Variants in TTLL9 observed in about 807,000 individuals in gnomAD.
TTLL9 encodes the protein tubulin tyrosine ligase like 9.
Under a neutral mutation model 65.6 loss-of-function variants are expected in TTLL9, and 47 were observed. That is an observed-to-expected ratio of 0.72 (90% CI 0.57 to 0.91). The LOEUF is 0.91. Among genes scored for constraint, TTLL9 ranks in the 40% least tolerant of loss-of-function variants. The pLI is 0.00. For missense variants in TTLL9, 537 were observed against 568.8 expected (o/e 0.94, Z 0.57); for synonymous variants, 179 against 204.8 (o/e 0.87, Z 1.07).
chr20:31,900,036 A>C (rs958274936), intron 4 of TTLL9, among the ~76,000 whole-genome samples: 2 of 152,194 alleles, frequency 1.3e-5, no homozygotes, highest in Non-Finnish European at 2.9e-5. Context: ...CTGGGATTAC[A>C]GGCGTGAGCC....
At position 31,898,565 on chromosome 20, in the gene TTLL9, A is replaced by G; in HGVS notation, c.206A>G (p.Asp69Gly). The G allele has an allele frequency of 6.2e-7, 1 of 1,613,786 alleles. No homozygotes were observed. Among genetic ancestry groups the G allele is most frequent in the Non-Finnish European group, 8.5e-7 (1 of 1,179,710 alleles). Residue 69 changes from aspartate (D) to glycine (G), a missense_variant and splice_region_variant, in exon 4 of 15, where the codon GAC becomes GGC. By Grantham distance (94) the Asp-to-Gly change is moderately conservative. Coordinates refer to ENST00000535842, the MANE Select transcript of TTLL9 (RefSeq NM_001008409.5). ...RHRPGWVEVK[D>G]EGEWDFYWCD... ...AGGCCAGGATGGGTGGAAGTGAAGG[A>G]GTAAGACCCTCCCCCCAGCCTTGTC...
At chr20:31,909,626 T>A (rs1473055700) in intron 5 of TTLL9, 111 bp from the exon 6 acceptor site, 1 of 933,218 alleles carries the variant, frequency 1.1e-6, no homozygotes, top group Non-Finnish European at 1.6e-6. Context: ...CTGTTGCTAT[T>A]TTGTGGGCCA....
chr20:31,891,340 T>G lies in TTLL9; in HGVS notation c.113+4101T>G, dbSNP rs1160626319. 1.1e-4 allele frequency among the ~76,000 whole-genome samples: 16 copies of G among 152,360 alleles called. 1 individual carries two copies. Among genetic ancestry groups the G allele is most frequent in the Admixed American group, 1.0e-3 (16 of 15,296 alleles). ...GTAAGATAATTGTCATTTCTCCACA[T>G]TCTTGTGAATATTTGGTATTTGTCT... On this transcript the variant is annotated intron_variant, in intron 3 of 14. Transcript: ENST00000535842.
chr20:31,892,108 C>T lies in TTLL9; in HGVS notation c.113+4869C>T, dbSNP rs771605423. On this transcript the variant is annotated intron_variant, in intron 3 of 14. Transcript: ENST00000535842. ...ATGAGCCACCATGCCTGGCCTAAGCCGATAAATTTTTAAAATACTTATTAA... is the reference window on the plus strand; with the variant it reads ...ATGAGCCACCATGCCTGGCCTAAGCTGATAAATTTTTAAAATACTTATTAA... Among the ~76,000 whole-genome samples, 128 of 151,476 alleles carry T rather than the reference C, an allele frequency of 8.5e-4. 2 individuals carry two copies. Among genetic ancestry groups the T allele is most frequent in the Admixed American group, 2.6e-4 (4 of 15,168 alleles).
chr20:31,889,267 CT>C (rs1260381546), intron 3 of TTLL9, among the ~76,000 whole-genome samples: 2 of 151,584 alleles, frequency 1.3e-5, no homozygotes, highest in African/African-American at 2.4e-5. Flanking sequence ...TCATGATTGC[CT>C]TTTTTTTCTT....
At chr20:31,880,504 T>A (rs1432573487) in intron 2 of TTLL9, among the ~76,000 whole-genome samples, 1 of 152,096 alleles carries the variant, frequency 6.6e-6, no homozygotes, top group East Asian at 1.9e-4. Flanking sequence ...GACTTTTTTT[T>A]TTTTTTTGAG....
intron 2 of TTLL9, among the ~76,000 whole-genome samples, chr20:31,876,281 C>T (rs1181743123): frequency 2.0e-5 from 3 of 152,126 alleles, no homozygotes; most frequent in African/African-American, 7.2e-5. Context: ...ACCGTCTCTA[C>T]TAGAAATACA....
At chr20:31,923,143 C>A in intron 8 of TTLL9, 90 bp downstream of exon 8, 1 of 973,188 alleles carries the variant, frequency 1.0e-6, no homozygotes, top group Non-Finnish European at 1.7e-6. Context: ...GCCAAGGGCC[C>A]AGCCTGACAC....
chr20:31,909,962 G>A (rs779667287), intron 6 of TTLL9, 40 bp downstream of exon 6: 3 of 1,558,318 alleles, frequency 1.9e-6, no homozygotes, highest in African/African-American at 1.4e-5. Context: ...GAGGGAATGA[G>A]TCCCAGGTGC....
intron 2 of TTLL9, among the ~76,000 whole-genome samples, chr20:31,883,770 G>A (rs543795429): frequency 6.6e-6 from 1 of 151,736 alleles, no homozygotes; most frequent in East Asian, 1.9e-4. Context: ...CAGAAAACCA[G>A]GGAATAGTAG....
At chr20:31,903,346 C>T (rs924425602) in intron 4 of TTLL9, among the ~76,000 whole-genome samples, 4 of 152,112 alleles carry the variant, frequency 2.6e-5, no homozygotes, top group Admixed American at 6.5e-5. Flanking sequence ...TCTTTATATT[C>T]GAGTTATAAG....
At chr20:31,908,224 C>T (rs1373489388) in intron 4 of TTLL9, among the ~76,000 whole-genome samples, 2 of 152,172 alleles carry the variant, frequency 1.3e-5, no homozygotes, top group East Asian at 3.8e-4. Context: ...CTGGCAAGAA[C>T]AAGTGAGGCT....
At chr20:31,898,874 T>C (rs2063428124) in intron 4 of TTLL9, among the ~76,000 whole-genome samples, 1 of 152,242 alleles carries the variant, frequency 6.6e-6, no homozygotes, top group South Asian at 2.1e-4. Flanking sequence ...TGGTTTTCAG[T>C]AGAAACTAGG....
intron 2 of TTLL9, among the ~76,000 whole-genome samples, chr20:31,873,674 A>AAGAGAG (rs946296861): frequency 8.3e-4 from 97 of 116,496 alleles, no homozygotes; most frequent in African/African-American, 3.5e-3. Context: ...GAAAGAAAGA[A>AAGAGAG]AGAGAGAGAG....
Position 31,909,927 on chromosome 20 carries a change from G to A in TTLL9, c.504+5G>A, listed in dbSNP as rs2123506174. ...ATCACCTGGATCATGAAGCCTGTGAGTGCCCAGTGCCAGGGGCTGGGTGGG... is the reference window on the plus strand; with the variant it reads ...ATCACCTGGATCATGAAGCCTGTGAATGCCCAGTGCCAGGGGCTGGGTGGG... On this transcript the variant is annotated splice_donor_5th_base_variant and intron_variant, in intron 6 of 14. Coordinates refer to ENST00000535842, the MANE Select transcript of TTLL9 (RefSeq NM_001008409.5). 2 of 1,612,248 alleles carry A rather than the reference G, an allele frequency of 1.2e-6. No homozygotes were observed. Among genetic ancestry groups the A allele is most frequent in the East Asian group, 4.5e-5 (2 of 44,812 alleles).
intron 2 of TTLL9, among the ~76,000 whole-genome samples, chr20:31,883,705 T>C (rs73903677): frequency 1.9e-4 from 29 of 151,730 alleles, no homozygotes; most frequent in African/African-American, 6.3e-4. Context: ...CATAATTACA[T>C]AAGAAAAGAT....
At chr20:31,921,121 G>A (rs1021987871) in intron 7 of TTLL9, among the ~76,000 whole-genome samples, 5 of 152,210 alleles carry the variant, frequency 3.3e-5, no homozygotes, top group Non-Finnish European at 5.9e-5. Flanking sequence ...GCCACATGCA[G>A]GATGTTGAGC....
chr20:31,912,441 A>G (rs1399839510), intron 6 of TTLL9, among the ~76,000 whole-genome samples: 4 of 152,146 alleles, frequency 2.6e-5, no homozygotes, highest in African/African-American at 4.8e-5. Flanking sequence ...GTGCAGCAGA[A>G]TCTCCTGAAG....
chr20:31,899,130 C>G (rs139038820), intron 4 of TTLL9, among the ~76,000 whole-genome samples: 4 of 152,310 alleles, frequency 2.6e-5, no homozygotes, highest in Admixed American at 2.6e-4. Flanking sequence ...AAAGAGGCTT[C>G]GACATGCTAG....
Sources: gnomAD v4.1 joint callset for allele counts (sites outside exome capture counted in the v4.1 genomes callset) on GRCh38, gnomAD v4.1.1 for gene constraint, MANE v1.5 for transcripts, NCBI Gene and HGNC (gene_info 2026-07-23, HGNC 2026-07-21) for gene names.